The following IGF2BP3 variants were observed in gnomAD, a reference collection of about 807,000 sequenced individuals.
IGF2BP3 encodes the protein insulin like growth factor 2 mRNA binding protein 3.
In IGF2BP3, 9 loss-of-function variants were observed where a neutral mutation model predicts 73.8. That is an observed-to-expected ratio of 0.12 (90% confidence interval 0.07 to 0.21). The LOEUF is 0.21. Among genes scored for constraint, IGF2BP3 ranks in the 10% least tolerant of loss-of-function variants. The probability of loss-of-function intolerance (pLI) is 1.00; values close to 1 mark genes in which losing one functional copy is unlikely to be tolerated. For synonymous variants in IGF2BP3, 258 were observed against 256.7 expected (o/e 1.01, Z -0.05); for missense variants, 542 against 714.0 (o/e 0.76, Z 2.75).
At chr7:23,381,541 G>C (rs981954558) in intron 3 of IGF2BP3, among the ~76,000 whole-genome samples, 1 of 152,174 alleles carries the variant, frequency 6.6e-6, no homozygotes, top group Non-Finnish European at 1.5e-5. Context: ...GTTCATTAAA[G>C]TGATGGCTGA....
intron 3 of IGF2BP3, among the ~76,000 whole-genome samples, chr7:23,417,136 A>G (rs1343979854): frequency 6.6e-6 from 1 of 152,216 alleles, no homozygotes; most frequent in Non-Finnish European, 1.5e-5. Flanking sequence ...CAAGCCTTTA[A>G]GGAAAGAAAC....
chr7:23,436,123 T>C (rs1787804255), intron 2 of IGF2BP3, among the ~76,000 whole-genome samples: 1 of 152,190 alleles, frequency 6.6e-6, no homozygotes, highest in Non-Finnish European at 1.5e-5. Flanking sequence ...TGACATTAAG[T>C]AAAACAAACT....
At chr7:23,446,964 A>G (rs1260139505) in intron 2 of IGF2BP3, among the ~76,000 whole-genome samples, 2 of 151,822 alleles carry the variant, frequency 1.3e-5, no homozygotes, top group African/African-American at 4.8e-5. Flanking sequence ...GCACTTTCGG[A>G]GGCTGAGGCA....
At chr7:23,376,693 C>T (rs1474674492) in intron 3 of IGF2BP3, among the ~76,000 whole-genome samples, 2 of 151,888 alleles carry the variant, frequency 1.3e-5, no homozygotes, top group Non-Finnish European at 2.9e-5. Flanking sequence ...ATGGCAAGAC[C>T]CCATCTCTAC....
At position 23,347,613 on chromosome 7, in the gene IGF2BP3, G is replaced by C. The variant is rs1784860134; in HGVS notation, c.805C>G (p.Gln269Glu). 1 of 1,613,298 alleles carries C rather than the reference G, an allele frequency of 6.2e-7. No individual in the cohort carries two copies. Among genetic ancestry groups the C allele is most frequent in the African/African-American group, 1.3e-5 (1 of 74,804 alleles). The change falls in exon 7 of 15, where the codon CAA becomes GAA. Residue 269 changes from glutamine (Q) to glutamate (E), a missense_variant. Physicochemically the swap from Gln to Glu is conservative, Grantham distance 29. Transcript: ENST00000258729. ...SILEIMHKEA[Q>E]DIKFTEEIPL... Reference sequence around the variant, plus strand: ...TTCTTTACTCACAATTTTATATCTTGAGCTTCCTTATGCATAATCTCCAGA... The same window carrying C: ...TTCTTTACTCACAATTTTATATCTTCAGCTTCCTTATGCATAATCTCCAGA...
chr7:23,445,969 G>A (rs775249233), intron 2 of IGF2BP3, among the ~76,000 whole-genome samples: 14 of 152,064 alleles, frequency 9.2e-5, no homozygotes, highest in Non-Finnish European at 1.8e-4. Context: ...CTAAAATGAA[G>A]CACAAAACAA....
chr7:23,320,820 T>C (rs2093730283), intron 10 of IGF2BP3, among the ~76,000 whole-genome samples: 5 of 151,206 alleles, frequency 3.3e-5, no homozygotes, highest in African/African-American at 7.3e-5. Flanking sequence ...TGGTAGCGCT[T>C]GCCTGTGGTC....
chr7:23,434,939 T>C (rs1787773070), intron 2 of IGF2BP3, among the ~76,000 whole-genome samples: 1 of 152,170 alleles, frequency 6.6e-6, no homozygotes, highest in Admixed American at 6.5e-5. Context: ...AATAAAACCT[T>C]GGCCAAAGTA....
intron 3 of IGF2BP3, among the ~76,000 whole-genome samples, chr7:23,399,128 G>A (rs1023729792): frequency 2.6e-5 from 4 of 151,944 alleles, no homozygotes; most frequent in African/African-American, 7.3e-5. Flanking sequence ...TTCTACATAC[G>A]GCTGGCCAGT....
rs911332233 is a variant in IGF2BP3 at position 23,310,865 on chromosome 7, C to CA, written c.*1496dup. ...CTGTGATCATCTTACAAACAAAACT[C>CA]AAAAAATCAATTCAGAGAGCAGCGT... is the stretch of plus-strand genomic sequence containing the variant. On this transcript the variant is annotated 3_prime_UTR_variant, in exon 15 of 15. Transcript: ENST00000258729. The CA allele has an allele frequency of 2.0e-5, 3 of 152,000 alleles. No individual in the cohort carries two copies. The South Asian group carries it at 6.2e-4, about 32-fold the overall frequency. 9.4% of individuals were successfully genotyped at this position (152,000 alleles called of 1,614,324 possible).
intron 6 of IGF2BP3, among the ~76,000 whole-genome samples, chr7:23,349,406 T>C (rs182527970): frequency 6.6e-5 from 10 of 152,214 alleles, no homozygotes; most frequent in Non-Finnish European, 1.5e-5. Flanking sequence ...AAATAACTAA[T>C]AAAAAAATAG....
chr7:23,344,408 A>G (rs184829357), intron 8 of IGF2BP3, among the ~76,000 whole-genome samples: 1 of 152,344 alleles, frequency 6.6e-6, no homozygotes, highest in East Asian at 1.9e-4. Context: ...TTTAGAATTT[A>G]GATTGAAGTA....
intron 3 of IGF2BP3, among the ~76,000 whole-genome samples, chr7:23,374,474 G>A (rs1460166723): frequency 2.0e-5 from 3 of 152,086 alleles, no homozygotes; most frequent in African/African-American, 7.2e-5. Context: ...CCAAGAGTTT[G>A]AGACCAGCCT....
At chr7:23,451,734 A>C (rs1788203000) in intron 2 of IGF2BP3, among the ~76,000 whole-genome samples, 1 of 152,036 alleles carries the variant, frequency 6.6e-6, no homozygotes, top group Non-Finnish European at 1.5e-5. Context: ...AGATCATTTG[A>C]GGTCAGGAGC....
intron 3 of IGF2BP3, among the ~76,000 whole-genome samples, chr7:23,381,789 G>A (rs951358892): frequency 6.6e-6 from 1 of 151,986 alleles, no homozygotes; most frequent in Non-Finnish European, 1.5e-5. Flanking sequence ...GGCTGGTCTC[G>A]AACTCCAGAC....
chr7:23,436,733 G>A (rs962648250), intron 2 of IGF2BP3, among the ~76,000 whole-genome samples: 29 of 152,224 alleles, frequency 1.9e-4, no homozygotes, highest in African/African-American at 6.3e-4. Context: ...TTCTAAGATT[G>A]TTACATTAGA....
chr7:23,343,728 G>A lies in IGF2BP3; in HGVS notation c.1067C>T (p.Ala356Val), dbSNP rs1161287479. Residue 356 changes from alanine (A) to valine (V), a missense_variant, in exon 9 of 15, where the codon GCT becomes GTT. By Grantham distance (64) the Ala-to-Val change is moderately conservative (BLOSUM62 0). Transcript: ENST00000258729. ...KIRESYENDI[A>V]SMNLQAHLIP... Reference sequence around the variant, plus strand: ...CATAACAAAACTAACATTCATAGAAGCAATATCATTTTCATAAGACTCCCT... The same window carrying A: ...CATAACAAAACTAACATTCATAGAAACAATATCATTTTCATAAGACTCCCT... 6.2e-7 allele frequency: 1 copy of A among 1,610,890 alleles called. No homozygotes were observed. The highest frequency in any genetic ancestry group is 1.7e-5 in the Admixed American group (1 of 60,012).
At chr7:23,418,631 A>G (rs1414830853) in intron 3 of IGF2BP3, 145 bp downstream of exon 3, 1 of 501,340 alleles carries the variant, frequency 2.0e-6, no homozygotes, top group Non-Finnish European at 3.6e-6. Flanking sequence ...TACTAAGAAA[A>G]ACCCACACCA....
chr7:23,402,231 T>G (rs1195990108), intron 3 of IGF2BP3: 2 of 152,248 alleles, frequency 1.3e-5, no homozygotes, highest in Non-Finnish European at 2.9e-5. Context: ...TCAGATCATC[T>G]AAGATGGATT....
Sources: gnomAD v4.1 joint callset for allele counts (sites outside exome capture counted in the v4.1 genomes callset) on GRCh38, gnomAD v4.1.1 for gene constraint, MANE v1.5 for transcripts, NCBI Gene and HGNC (gene_info 2026-07-23, HGNC 2026-07-21) for gene names.